Variants in GRAMD4 observed in about 807,000 individuals in gnomAD.
The protein encoded by GRAMD4 is GRAM domain containing 4, also known as GRAM domain-containing protein 4.
In GRAMD4, 25 loss-of-function variants were observed where a neutral mutation model predicts 83.9. The observed-to-expected ratio is 0.30, with a 90% confidence interval of 0.22 to 0.42. The LOEUF is 0.42. Ranked by LOEUF, GRAMD4 falls within the 10% of genes least tolerant of loss-of-function variation. GRAMD4 has a pLI of 1.00. For synonymous variants in GRAMD4, 336 were observed against 320.9 expected, an observed-to-expected ratio of 1.05 and a Z score of -0.50; for missense variants, 593 against 788.7, an observed-to-expected ratio of 0.75 and a Z score of 2.97.
chr22:46,676,645 G>A lies in GRAMD4; in HGVS notation c.1609G>A (p.Val537Met). 1.9e-6 allele frequency: 3 copies of A among 1,548,924 alleles called. No individual in the cohort carries two copies. The highest frequency in any genetic ancestry group is 1.4e-5 in the African/African-American group (1 of 73,160). ...CCCAGGCTCAGGCATGGGGATTGCC[G>A]TGTCGACGCCATCCACCCAGAAAGT... Reference protein sequence around the residue: ...VLPGSGMGIAVSTPSTQKPLV... With the variant: ...VLPGSGMGIAMSTPSTQKPLV... Residue 537 changes from valine (V) to methionine (M), a missense_variant, in exon 18 of 19, where the codon GTG becomes ATG. Val to Met is a conservative substitution (Grantham distance 21). This residue lies in a region of GRAMD4 where 74 missense variants were observed against 152.7 expected (regional missense o/e 0.48). Coordinates refer to ENST00000406902, the MANE Select transcript of GRAMD4 (RefSeq NM_015124.5).
At chr22:46,644,702 T>TTG (rs1569285219) in intron 3 of GRAMD4, among the ~76,000 whole-genome samples, 6 of 7,218 alleles carry the variant, frequency 8.3e-4, no homozygotes, top group Non-Finnish European at 1.7e-3. Context: ...TCCCTGTTTT[T>TTG]TTTTTTTTTT....
chr22:46,671,764 C>T (rs1024653969), intron 13 of GRAMD4, among the ~76,000 whole-genome samples: 4 of 147,498 alleles, frequency 2.7e-5, no homozygotes, highest in African/African-American at 5.0e-5. Context: ...CGCTTGAACC[C>T]GGGAGGTTGC....
chr22:46,619,272 C>G (rs575138493), upstream of GRAMD4, among the ~76,000 whole-genome samples: 1 of 152,156 alleles, frequency 6.6e-6, no homozygotes, highest in Non-Finnish European at 1.5e-5. Context: ...GGTCCTTGGG[C>G]CTCTTTGCAT....
At chr22:46,614,748 G>GCCTGTGCGTGTAGGTTCC (rs1300665666) in intron 1 of GRAMD4, among the ~76,000 whole-genome samples, 2 of 152,052 alleles carry the variant, frequency 1.3e-5, no homozygotes, top group African/African-American at 2.4e-5. Context: ...TAGGACATGT[G>GCCTGTGCGTGTAGGTTCC]CCTGTGCGTG....
intron 2 of GRAMD4, among the ~76,000 whole-genome samples, chr22:46,635,527 G>A (rs1462990805): frequency 5.3e-5 from 2 of 37,550 alleles, no homozygotes; most frequent in East Asian, 1.7e-3. Flanking sequence ...CCCCGCCCCC[G>A]GCCACTCCTG....
intron 10 of GRAMD4, among the ~76,000 whole-genome samples, chr22:46,667,778 G>C (rs573466029): frequency 6.6e-6 from 1 of 152,370 alleles, no homozygotes; most frequent in South Asian, 2.1e-4. Context: ...CATTGGCTGG[G>C]CCTCAGTTTC....
In GRAMD4 at chr22:46,635,593, G is replaced by A. The variant is rs868710516; in HGVS notation, c.163-2247G>A. Among the ~76,000 whole-genome samples the A allele has an allele frequency of 7.8e-3, 106 of 13,632 alleles. 2 individuals carry two copies. The highest frequency in any genetic ancestry group is 9.7e-3 in the Non-Finnish European group (72 of 7,450). The allele number at this position is 13,632 out of a possible 152,430, so 8.9% of individuals were successfully genotyped here. A position where few individuals can be genotyped will look rare whatever the true frequency, so the allele number is the denominator to read the frequency against. On this transcript the variant is annotated intron_variant, in intron 2 of 18. Coordinates refer to ENST00000406902, the MANE Select transcript of GRAMD4 (RefSeq NM_015124.5). ...CCCCCGGCCACTCCTGTCCTGGGAG[G>A]CCGTGTCTTCCCTGCCCCGCCCCCG...
intron 1 of GRAMD4, among the ~76,000 whole-genome samples, chr22:46,584,327 A>T (rs2081126899): frequency 6.6e-6 from 1 of 152,022 alleles, no homozygotes; most frequent in African/African-American, 2.4e-5. Flanking sequence ...CTCTTAGCTG[A>T]CAGCAAGGAA....
At chr22:46,624,547 C>T (rs893143451) in intron 1 of GRAMD4, among the ~76,000 whole-genome samples, 6 of 152,058 alleles carry the variant, frequency 3.9e-5, no homozygotes, top group African/African-American at 9.7e-5. Flanking sequence ...CAGATGGTCT[C>T]GAACTCCTGC....
chr22:46,651,885 G>C (rs893709866), intron 3 of GRAMD4, among the ~76,000 whole-genome samples: 5 of 152,154 alleles, frequency 3.3e-5, no homozygotes, highest in African/African-American at 1.2e-4. Flanking sequence ...TGCCAGGGAC[G>C]CTGTACTCCT....
chr22:46,618,766 G>A (rs1302814595), upstream of GRAMD4, among the ~76,000 whole-genome samples: 2 of 132,792 alleles, frequency 1.5e-5, no homozygotes, highest in Admixed American at 1.4e-4. The surrounding 1 kb of genome is among the most constrained non-coding windows in gnomAD (Gnocchi z 5.8). Context: ...GTGGACAGAT[G>A]TGCAGCCCCG....
In GRAMD4 at chr22:46,675,454, C is replaced by T. The variant is rs200275392; in HGVS notation, c.1479-14C>T. The T allele has an allele frequency of 1.2e-4, 190 of 1,597,740 alleles. No individual in the cohort carries two copies. The African/African-American group carries it at 2.0e-3, about 17-fold the overall frequency. On this transcript the variant is annotated splice_polypyrimidine_tract_variant and intron_variant, in intron 16 of 18. Coordinates refer to ENST00000406902, the MANE Select transcript of GRAMD4 (RefSeq NM_015124.5). ...TCAAGAGCCAGGCGACGCCTCTGTC[C>T]GTTCCCCTTCCAGTTACTTGTGCTT...
At chr22:46,630,694 G>C (rs114361319) in intron 2 of GRAMD4, among the ~76,000 whole-genome samples, 1 of 152,222 alleles carries the variant, frequency 6.6e-6, no homozygotes, top group African/African-American at 2.4e-5. Context: ...TGGGATGTTC[G>C]TCACTTCAGC....
intron 1 of GRAMD4, among the ~76,000 whole-genome samples, chr22:46,603,661 C>T (rs531198045): frequency 8.4e-4 from 128 of 151,644 alleles, no homozygotes; most frequent in African/African-American, 2.6e-3. Context: ...GGATTACAGG[C>T]GCCCACCACC....
intron 17 of GRAMD4, among the ~76,000 whole-genome samples, chr22:46,676,274 C>A (rs1054325716): frequency 2.6e-5 from 4 of 152,196 alleles, no homozygotes; most frequent in African/African-American, 9.7e-5. Flanking sequence ...TGACAGATGG[C>A]CCTCCTGGTG....
chr22:46,612,136 T>C (rs1055056780), intron 1 of GRAMD4, among the ~76,000 whole-genome samples: 2 of 150,382 alleles, frequency 1.3e-5, no homozygotes, highest in African/African-American at 4.9e-5. Context: ...TCTGAGAAGC[T>C]GGGACTACAG....
At position 46,668,845 on chromosome 22, in the gene GRAMD4, G is replaced by A. The variant is rs1414903891; in HGVS notation, c.1021G>A (p.Ala341Thr). 5.6e-6 allele frequency: 9 copies of A among 1,613,000 alleles called. No homozygotes were observed. The highest frequency in any genetic ancestry group is 1.1e-5 in the South Asian group (1 of 91,060). ...QPEITQKLYV[A>T]LWAAFLASCF... ...GGAGATCACACAGAAGCTGTATGTG[G>A]CGCTCTGGGCTGCCTTCCTGGCCTC... The change falls in exon 13 of 19, where the codon GCG becomes ACG. Residue 341 changes from alanine (A) to threonine (T), a missense_variant. Around this residue, in one of 4 missense-constraint regions of GRAMD4, gnomAD observed 171 missense variants for 199.6 expected, o/e 0.86. Transcript: ENST00000406902.
intron 1 of GRAMD4, among the ~76,000 whole-genome samples, chr22:46,623,784 C>G (rs1435873555): frequency 1.5e-5 from 2 of 133,366 alleles, no homozygotes; most frequent in East Asian, 2.2e-4. Context: ...GTCAAGCTGC[C>G]TTTTTTTTTT....
At chr22:46,662,125 C>T (rs541925829) in intron 5 of GRAMD4, among the ~76,000 whole-genome samples, 5 of 152,346 alleles carry the variant, frequency 3.3e-5, no homozygotes, top group African/African-American at 7.2e-5. Context: ...ACGAGTGTGC[C>T]GATCTCACCT....
Sources: allele counts gnomAD v4.1 joint callset (sites outside exome capture counted in the v4.1 genomes callset), GRCh38; gene constraint gnomAD v4.1.1; regional missense constraint gnomAD v4.1.1; non-coding constraint Gnocchi (gnomAD v3.1); transcripts MANE v1.5; gene names NCBI Gene and HGNC (gene_info 2026-07-23, HGNC 2026-07-21).